Variants in OR8S1 observed in about 807,000 individuals in gnomAD.
OR8S1 encodes olfactory receptor 8S1.
For missense variants in OR8S1, 362 were observed against 372.1 expected (o/e 0.97, Z 0.22); for synonymous variants, 150 against 151.4 (o/e 0.99, Z 0.07).
exon 1 of OR8S1, chr12:48,525,723 T>C (rs2137115678): frequency 6.2e-7 from 1 of 1,614,184 alleles, no homozygotes. Context: ...TTTGTGCTGT[T>C]CCTGGGGATT....
At chr12:48,525,942 T>C (rs1364903651) in exon 1 of OR8S1, 1 of 1,614,210 alleles carries the variant, frequency 6.2e-7, no homozygotes, top group South Asian at 1.1e-5. Flanking sequence ...GTCTTCTTTG[T>C]GTTTGTCACT....
At chr12:48,526,279 A>C in exon 1 of OR8S1, 11 of 1,614,006 alleles carry the variant, frequency 6.8e-6, no homozygotes, top group Non-Finnish European at 9.3e-6. Flanking sequence ...TGGTCTTCTT[A>C]TCCTACACCC....
chr12:48,525,911 G>A (rs1158077756), exon 1 of OR8S1: 5 of 1,614,206 alleles, frequency 3.1e-6, no homozygotes, highest in Non-Finnish European at 3.4e-6. Context: ...AACCATTTCA[G>A]TAGAGGGCTG....
At chr12:48,525,651 G>A in exon 1 of OR8S1, 1 of 1,612,922 alleles carries the variant, frequency 6.2e-7, no homozygotes, top group Admixed American at 1.7e-5. Flanking sequence ...GGGAATCACA[G>A]CACCATCACC....
In OR8S1 at chr12:48,526,048, G is replaced by T. The variant is rs747813562; in HGVS notation, c.417G>T (p.Gln139His). The change falls in exon 1 of 1, where the codon CAG (glutamine) becomes CAT (histidine). Residue 139 changes from glutamine to histidine, a missense_variant. By Grantham distance (24) the Gln-to-His change is conservative (BLOSUM62 0). Transcript: ENST00000641651. Reference sequence around the variant, plus strand: ...TTTATGGACAGATCATGGGTAAACAGCTGTATATGCACCTTGTGTGGGGCT... The same window carrying T: ...TTTATGGACAGATCATGGGTAAACATCTGTATATGCACCTTGTGTGGGGCT... The T allele has an allele frequency of 2.5e-6, 4 of 1,614,022 alleles. No individual in the cohort carries two copies. In the South Asian group the frequency reaches 4.4e-5, roughly 18 times the overall value.
exon 1 of OR8S1, chr12:48,526,306 C>T: frequency 6.2e-7 from 1 of 1,614,104 alleles, no homozygotes; most frequent in South Asian, 1.1e-5. Context: ...TCTCTACCAT[C>T]CTAAGCATCA....
Position 48,526,460 on chromosome 12 carries a change from ACTGTAGTCACTCCCATGCTGAATTCC to A in OR8S1, c.832_857del (p.Val278HisfsTer3), listed in dbSNP as rs747170355. The stretch of plus-strand genomic sequence containing the variant: ...AGAGTTGATCTTCTCTGTGCAGTAT[ACTGTAGTCACTCCCATGCTGAATTCC>A]CTCATCTATAGCCTGAAAAATAAGG... On this transcript the variant is annotated frameshift_variant, in exon 1 of 1. Transcript: ENST00000641651. LOFTEE classifies it low-confidence loss of function (END_TRUNC). 3.9e-5 allele frequency: 63 copies of A among 1,612,964 alleles called. No individual in the cohort carries two copies. Among genetic ancestry groups the A allele is most frequent in the Non-Finnish European group, 4.7e-5 (56 of 1,179,980 alleles).
exon 1 of OR8S1, chr12:48,526,224 C>T (rs1284634195): frequency 1.8e-5 from 29 of 1,614,182 alleles, no homozygotes; most frequent in Non-Finnish European, 2.3e-5. Flanking sequence ...AGCCTCATCG[C>T]CTTGCTCTGC....
exon 1 of OR8S1, chr12:48,525,842 C>G: frequency 6.2e-7 from 1 of 1,614,142 alleles, no homozygotes. Context: ...TTTTGTTGAT[C>G]TCTGCTTCTC....
chr12:48,525,667 C>T, exon 1 of OR8S1: 1 of 1,613,836 alleles, frequency 6.2e-7, no homozygotes, highest in East Asian at 2.2e-5. Context: ...TCACCGAGTT[C>T]CTCCTCCTTG....
chr12:48,525,779 A>C, exon 1 of OR8S1: 1 of 1,614,152 alleles, frequency 6.2e-7, no homozygotes, highest in Non-Finnish European at 8.5e-7. Context: ...GCTCATGATC[A>C]GGGCTGATTC....
chr12:48,526,448 T>C lies in OR8S1; in HGVS notation c.817T>C (p.Ser273Pro), dbSNP rs201558480. 71 of 1,613,702 alleles carry C rather than the reference T, an allele frequency of 4.4e-5. 1 individual carries two copies. In the Middle Eastern group the frequency reaches 1.6e-3, roughly 37 times the overall value. Residue 273 changes from serine to proline, a missense_variant, in exon 1 of 1, where the codon TCT becomes CCT. Ser to Pro is a moderately conservative substitution (Grantham distance 74). Coordinates refer to ENST00000641651, the Ensembl canonical transcript of OR8S1. Reference sequence around the variant, plus strand: ...AGGTTCCCCCATAGAGTTGATCTTCTCTGTGCAGTATACTGTAGTCACTCC... The same window carrying C: ...AGGTTCCCCCATAGAGTTGATCTTCCCTGTGCAGTATACTGTAGTCACTCC...
In OR8S1 at chr12:48,525,672, T is replaced by C. The variant is rs376478845; in HGVS notation, c.41T>C (p.Leu14Pro). 1.7e-4 allele frequency: 282 copies of C among 1,614,128 alleles called. 1 individual carries two copies. The highest frequency in any genetic ancestry group is 6.5e-4 in the Admixed American group (39 of 60,022). Residue 14 changes from leucine to proline, a missense_variant, in exon 1 of 1, where the codon CTC becomes CCC. Physicochemically the swap from Leu to Pro is moderately conservative, Grantham distance 98. Transcript: ENST00000641651. Reference sequence around the variant, plus strand: ...CACAGCACCATCACCGAGTTCCTCCTCCTTGGGCTGTCTGCCGACCCCAAC... The same window carrying C: ...CACAGCACCATCACCGAGTTCCTCCCCCTTGGGCTGTCTGCCGACCCCAAC...
exon 1 of OR8S1, chr12:48,525,769 G>A: frequency 6.8e-6 from 11 of 1,614,122 alleles, no homozygotes; most frequent in Non-Finnish European, 9.3e-6. Flanking sequence ...TGATGCTGCT[G>A]CTCATGATCA....
At chr12:48,525,731 A>T in exon 1 of OR8S1, 9 of 1,613,930 alleles carry the variant, frequency 5.6e-6, no homozygotes, top group Non-Finnish European at 6.8e-6. Flanking sequence ...GTTCCTGGGG[A>T]TTTACCTCCT....
At chr12:48,525,683 T>C (rs1194434967) in exon 1 of OR8S1, 3 of 1,614,148 alleles carry the variant, frequency 1.9e-6, no homozygotes, top group Non-Finnish European at 2.5e-6. Context: ...CCTTGGGCTG[T>C]CTGCCGACCC....
exon 1 of OR8S1, chr12:48,525,637 C>G (rs1938209998): frequency 1.9e-6 from 3 of 1,610,168 alleles, no homozygotes; most frequent in Non-Finnish European, 2.5e-6. Flanking sequence ...TGTAAATGGC[C>G]TTGGGGAATC....
rs1445554918 is a variant in OR8S1 at position 48,525,679 on chromosome 12, G to A, written c.48G>A (p.Gly16=). The A allele has an allele frequency of 6.8e-6, 11 of 1,614,002 alleles. No individual in the cohort carries two copies. In the East Asian group the frequency reaches 1.8e-4, roughly 26 times the overall value. Residue 16 remains glycine (G), a synonymous_variant, in exon 1 of 1, where the codon GGG becomes GGA. Transcript: ENST00000641651. Reference sequence around the variant, plus strand: ...CCATCACCGAGTTCCTCCTCCTTGGGCTGTCTGCCGACCCCAACATCCGGG... The same window carrying A: ...CCATCACCGAGTTCCTCCTCCTTGGACTGTCTGCCGACCCCAACATCCGGG...
exon 1 of OR8S1, chr12:48,526,144 C>A: frequency 6.2e-7 from 1 of 1,614,152 alleles, no homozygotes; most frequent in Non-Finnish European, 8.5e-7. Context: ...TTTGTGAAGC[C>A]AAAATCATTC....
Sources: gnomAD v4.1 joint callset for allele counts on GRCh38, gnomAD v4.1.1 for gene constraint, MANE v1.5 for transcripts, NCBI Gene and HGNC (gene_info 2026-07-23, HGNC 2026-07-21) for gene names.